The following MKRN1 variants were observed in gnomAD, a reference collection of about 807,000 sequenced individuals.
MKRN1 encodes makorin ring finger protein 1, also known as E3 ubiquitin-protein ligase makorin-1.
In MKRN1, 9 loss-of-function variants were observed where a neutral mutation model predicts 55.5. The observed-to-expected ratio is 0.16, with a 90% CI of 0.10 to 0.28. The LOEUF (loss-of-function observed/expected upper bound fraction) is 0.28. Ranked by LOEUF, MKRN1 falls within the 10% of genes least tolerant of loss-of-function variation. The probability of loss-of-function intolerance (pLI) is 1.00; values close to 1 mark genes in which losing one functional copy is unlikely to be tolerated. For synonymous variants in MKRN1, 253 were observed against 235.9 expected (o/e 1.07, Z -0.66); for missense variants, 488 against 626.7 (o/e 0.78, Z 2.36).
Position 140,468,605 on chromosome 7 carries a change from G to A in MKRN1, c.314+3278C>T, listed in dbSNP as rs186268067. Among the ~76,000 whole-genome samples the A allele has an allele frequency of 2.7e-4, 40 of 149,216 alleles. 1 individual carries two copies. The East Asian group carries it at 6.2e-3, about 23-fold the overall frequency. ...AATCCCAGCTACTCCGGAGGTTGAGGCAGGAGAATTGCTTGAACCAGGGAG... is the reference window on the plus strand; with the variant it reads ...AATCCCAGCTACTCCGGAGGTTGAGACAGGAGAATTGCTTGAACCAGGGAG... On this transcript the variant is annotated intron_variant, in intron 2 of 7. Transcript: ENST00000255977.
chr7:140,474,016 A>C (rs1454669438), intron 1 of MKRN1, among the ~76,000 whole-genome samples: 1 of 45,660 alleles, frequency 2.2e-5, no homozygotes, highest in African/African-American at 2.5e-4. Flanking sequence ...AAAGAAAGAA[A>C]GAAAGAAAGA....
At chr7:140,466,837 T>TA (rs1210858105) in intron 2 of MKRN1, among the ~76,000 whole-genome samples, 1 of 131,142 alleles carries the variant, frequency 7.6e-6, no homozygotes, top group East Asian at 2.2e-4. Context: ...AAAAAAAGAA[T>TA]AAAAAAACTT....
chr7:140,463,147 C>T (rs1264948964), intron 2 of MKRN1, among the ~76,000 whole-genome samples: 2 of 152,192 alleles, frequency 1.3e-5, no homozygotes, highest in East Asian at 1.9e-4. Context: ...CCTCGCCTTG[C>T]AGCAAAAGTA....
At position 140,474,900 on chromosome 7, in the gene MKRN1, G is replaced by A. The variant is rs137964584; in HGVS notation, c.186-2889C>T. ...CGCCCAGCTAATTTTTGTATTTTTA[G>A]TAGAGAACGGGTTTCGTCATGTTGG... On this transcript the variant is annotated intron_variant, in intron 1 of 7. Transcript: ENST00000255977. Among the ~76,000 whole-genome samples the A allele has an allele frequency of 6.7e-3, 1,021 of 151,658 alleles. 9 individuals carry two copies. The highest frequency in any genetic ancestry group is 0.024 in the African/African-American group (987 of 41,422).
chr7:140,457,040 T>TG lies in MKRN1; in HGVS notation c.772-175_772-174insC, dbSNP rs959263692. The TG allele has an allele frequency of 4.5e-6, 3 of 672,186 alleles. No individual in the cohort carries two copies. In the East Asian group the frequency reaches 8.5e-5, roughly 19 times the overall value. The allele number at this position is 672,186 out of a possible 1,614,324, so 41.6% of individuals were successfully genotyped here. A position where few individuals can be genotyped will look rare whatever the true frequency, so the allele number is the denominator to read the frequency against. On this transcript the variant is annotated intron_variant, in intron 4 of 7. Coordinates refer to ENST00000255977, the MANE Select transcript of MKRN1 (RefSeq NM_013446.4). ...AGTAAACACAGGTGTGGTGTTTTTT[T>TG]TTTGTTTGTTTGTTTTTGCGGTGGT...
At chr7:140,464,709 AAAAC>A (rs373353800) in intron 2 of MKRN1, among the ~76,000 whole-genome samples, 7 of 152,316 alleles carry the variant, frequency 4.6e-5, no homozygotes, top group Admixed American at 2.0e-4. Context: ...CAGTCTCAAA[AAAAC>A]AAACAAACAA....
At chr7:140,466,364 T>C (rs1794765155) in intron 2 of MKRN1, among the ~76,000 whole-genome samples, 2 of 152,214 alleles carry the variant, frequency 1.3e-5, no homozygotes, top group African/African-American at 4.8e-5. Flanking sequence ...TACATCCTTA[T>C]TAAAAGGAAA....
intron 2 of MKRN1, among the ~76,000 whole-genome samples, chr7:140,462,600 G>C (rs966902790): frequency 2.0e-5 from 3 of 151,982 alleles, no homozygotes; most frequent in African/African-American, 7.2e-5. Context: ...GCTGAGGTGT[G>C]GGTGGATTGC....
intron 2 of MKRN1, among the ~76,000 whole-genome samples, chr7:140,469,129 A>G (rs1585486078): frequency 6.6e-6 from 1 of 151,936 alleles, no homozygotes; most frequent in African/African-American, 2.4e-5. Context: ...GATCAAGACC[A>G]CCCTGGCTAA....
At chr7:140,478,985 G>A in intron 1 of MKRN1, 175 bp downstream of exon 1, 1 of 778,304 alleles carries the variant, frequency 1.3e-6, no homozygotes, top group Non-Finnish European at 1.7e-6. Context: ...TTGACGCAGT[G>A]ACTGGGGGAA....
intron 6 of MKRN1, 76 bp from the exon 7 acceptor site, chr7:140,455,309 T>C: frequency 1.3e-6 from 2 of 1,574,118 alleles, no homozygotes; most frequent in South Asian, 1.2e-5. Flanking sequence ...GGGGTTTCTT[T>C]AAACAGGTAG....
At chr7:140,473,613 C>G (rs1204972937) in intron 1 of MKRN1, among the ~76,000 whole-genome samples, 1 of 152,166 alleles carries the variant, frequency 6.6e-6, no homozygotes, top group African/African-American at 2.4e-5. Context: ...ATTTATCAAA[C>G]TAGATTATAA....
At position 140,479,212 on chromosome 7, in the gene MKRN1, C is replaced by T. The variant is rs1355639273; in HGVS notation, c.133G>A (p.Gly45Ser). The change falls in exon 1 of 8, where the codon GGC (glycine) becomes AGC (serine). Residue 45 changes from glycine (G) to serine (S), a missense_variant. By Grantham distance (56) the Gly-to-Ser change is moderately conservative. Transcript: ENST00000255977. ...TAPSLGAGGG[G>S]GGSDGSGGGW... The stretch of plus-strand genomic sequence containing the variant: ...CCGCCGCTGCCGTCGCTGCCGCCGC[C>T]CCCTCCGCCCGCCCCCAGGGACGGG... 1 of 1,465,222 alleles carries T rather than the reference C, an allele frequency of 6.8e-7. No homozygotes were observed. The highest frequency in any genetic ancestry group is 9.0e-7 in the Non-Finnish European group (1 of 1,109,192). 90.8% of individuals were successfully genotyped at this position (1,465,222 alleles called of 1,614,324 possible). A position where few individuals can be genotyped will look rare whatever the true frequency, so the allele number is the denominator to read the frequency against.
Position 140,479,336 on chromosome 7 carries a change from C to T in MKRN1, c.9G>A (p.Glu3=), listed in dbSNP as rs1265421505. 7.7e-7 allele frequency: 1 copy of T among 1,305,490 alleles called. No homozygotes were observed. Among genetic ancestry groups the T allele is most frequent in the African/African-American group, 1.5e-5 (1 of 64,774 alleles). 80.9% of individuals were successfully genotyped at this position (1,305,490 alleles called of 1,614,324 possible). Residue 3 remains glutamate, a synonymous_variant, in exon 1 of 8, where the codon GAG becomes GAA. Transcript: ENST00000255977. MA[E]AATPGTTATT... is the part of the protein sequence containing the mutation. ...TGGCTGTTGTTCCGGGAGTTGCAGC[C>T]TCCGCCATTACTGTTTATCCCACAC...
intron 1 of MKRN1, chr7:140,474,315 G>A (rs930975684): frequency 5.2e-6 from 1 of 191,764 alleles, no homozygotes; most frequent in Non-Finnish European, 1.1e-5. Flanking sequence ...GGCTAACACA[G>A]TGAAACCCTG....
chr7:140,470,838 A>C (rs1032592425), intron 2 of MKRN1, among the ~76,000 whole-genome samples: 1 of 151,664 alleles, frequency 6.6e-6, no homozygotes, highest in Non-Finnish European at 1.5e-5. Flanking sequence ...AATTGCTTGA[A>C]TCTGGGAGGC....
intron 2 of MKRN1, among the ~76,000 whole-genome samples, chr7:140,462,902 G>A (rs962635464): frequency 2.0e-5 from 3 of 152,196 alleles, no homozygotes; most frequent in Non-Finnish European, 2.9e-5. Context: ...GGAAGCGGAT[G>A]TTGCGGTGAG....
Position 140,479,217 on chromosome 7 carries a change from C to A in MKRN1, c.128G>T (p.Gly43Val). The change falls in exon 1 of 8, where the codon GGA (glycine) becomes GTA (valine). Residue 43 changes from glycine to valine, a missense_variant. By Grantham distance (109) the Gly-to-Val change is moderately radical (BLOSUM62 -3). Around this residue, in one of 2 missense-constraint regions of MKRN1, gnomAD observed 210 missense variants for 220.0 expected, o/e 0.95. Coordinates refer to ENST00000255977, the MANE Select transcript of MKRN1 (RefSeq NM_013446.4). ...GCTGCCGTCGCTGCCGCCGCCCCCT[C>A]CGCCCGCCCCCAGGGACGGGGCGGT... ...TVTAPSLGAG[G>V]GGGGSDGSGG... 1 of 1,461,686 alleles carries A rather than the reference C, an allele frequency of 6.8e-7. No individual in the cohort carries two copies. The highest frequency in any genetic ancestry group is 9.0e-7 in the Non-Finnish European group (1 of 1,107,716). The allele number at this position is 1,461,686 out of a possible 1,614,324, so 90.5% of individuals were successfully genotyped here.
intron 2 of MKRN1, 59 bp downstream of exon 2, chr7:140,471,824 A>C: frequency 6.3e-7 from 1 of 1,583,456 alleles, no homozygotes; most frequent in Non-Finnish European, 8.6e-7. Flanking sequence ...TATCAGAAGT[A>C]TGTCTTTTAC....
Sources: gnomAD v4.1 joint callset for allele counts (sites outside exome capture counted in the v4.1 genomes callset) on GRCh38, gnomAD v4.1.1 for gene constraint, gnomAD v4.1.1 regional missense constraint, MANE v1.5 for transcripts, NCBI Gene and HGNC (gene_info 2026-07-23, HGNC 2026-07-21) for gene names.